Variants in UNC93A observed in about 807,000 individuals in gnomAD.
UNC93A encodes N-acetylglucosamine transporter UNC93A.
UNC93A carries 43 observed loss-of-function variants against 47.5 expected under a neutral mutation model. The ratio of observed to expected loss-of-function variants is 0.91; its 90% CI spans 0.71 to 1.17. The LOEUF (loss-of-function observed/expected upper bound fraction) is 1.17. UNC93A is among the 50% of genes most tolerant of loss of function. UNC93A has a pLI of 0.00. For synonymous variants in UNC93A, 280 were observed against 258.0 expected (o/e 1.09, Z -0.82); for missense variants, 605 against 577.6 (o/e 1.05, Z -0.49).
chr6:167,273,082 C>A (rs1003508957), intron 1 of UNC93A, among the ~76,000 whole-genome samples: 2 of 152,202 alleles, frequency 1.3e-5, no homozygotes, highest in African/African-American at 4.8e-5. Flanking sequence ...CCAGGCAAGC[C>A]GCTAACGTGA....
chr6:167,290,114 T>C (rs944530015), upstream of UNC93A, among the ~76,000 whole-genome samples: 4 of 152,198 alleles, frequency 2.6e-5, no homozygotes, highest in Non-Finnish European at 5.9e-5. Flanking sequence ...GGTGACTCAG[T>C]GACCCACCTG....
rs1392816011 is a variant in UNC93A at position 167,315,527 on chromosome 6, T to C, written c.*75T>C. 1.2e-6 allele frequency: 2 copies of C among 1,609,166 alleles called. No homozygotes were observed. The highest frequency in any genetic ancestry group is 1.3e-5 in the African/African-American group (1 of 74,780). ...TTTTCTTAGAAGATGCCTCAGGACATAGAGCGGCTCCTCATCACCATCTCA... is the reference window on the plus strand; with the variant it reads ...TTTTCTTAGAAGATGCCTCAGGACACAGAGCGGCTCCTCATCACCATCTCA... On this transcript the variant is annotated 3_prime_UTR_variant, in exon 8 of 8. Transcript: ENST00000230256.
intron 4 of UNC93A, among the ~76,000 whole-genome samples, chr6:167,301,894 C>G (rs1305396438): frequency 6.6e-6 from 1 of 152,172 alleles, no homozygotes; most frequent in African/African-American, 2.4e-5. Context: ...GCCTCCTGTG[C>G]AGGCGTGACA....
intron 3 of UNC93A, among the ~76,000 whole-genome samples, chr6:167,297,678 C>A (rs1224413107): frequency 6.6e-6 from 1 of 152,170 alleles, no homozygotes; most frequent in East Asian, 1.9e-4. Flanking sequence ...AAGTAACCAG[C>A]ACTTTTCCAA....
In UNC93A at chr6:167,291,529, G is replaced by A; in HGVS notation, c.40G>A (p.Gly14Arg). ...SLRNVLVVSF[G>R]FLLLFTAYGG... Reference sequence around the variant, plus strand: ...AAGGAACGTCCTTGTGGTTTCCTTTGGGTTCCTGCTTCTCTTTACAGCCTA... The same window carrying A: ...AAGGAACGTCCTTGTGGTTTCCTTTAGGTTCCTGCTTCTCTTTACAGCCTA... The change falls in exon 1 of 8, where the codon GGG becomes AGG. Residue 14 changes from glycine (G) to arginine (R), a missense_variant. Transcript: ENST00000230256. 1.2e-6 allele frequency: 2 copies of A among 1,613,888 alleles called. No homozygotes were observed. Among genetic ancestry groups the A allele is most frequent in the Non-Finnish European group, 1.7e-6 (2 of 1,179,916 alleles).
intron 4 of UNC93A, 67 bp downstream of exon 4, chr6:167,298,137 A>T: frequency 1.9e-6 from 3 of 1,556,518 alleles, no homozygotes; most frequent in Non-Finnish European, 2.6e-6. Context: ...TCCTGGGCTG[A>T]CAAAGACTGT....
intron 1 of UNC93A, among the ~76,000 whole-genome samples, chr6:167,283,022 G>T (rs1209349): frequency 0.033 from 5,039 of 152,154 alleles, 285 homozygotes; most frequent in African/African-American, 0.11. Context: ...TCTCATAGGT[G>T]GTACCCTTAG....
rs1401181434 is a variant in UNC93A, at chr6:167,272,174, G to A, written c.-52+716G>A. Among the ~76,000 whole-genome samples, 4 of 152,180 alleles carry A rather than the reference G, an allele frequency of 2.6e-5. No individual in the cohort carries two copies. The South Asian group carries it at 8.3e-4, about 31-fold the overall frequency. ...TTATGCCAAAGTGGTGTCTTTGGGGGTGGCTGACTCTGCTGCTCTTTACTT... is the reference window on the plus strand; with the variant it reads ...TTATGCCAAAGTGGTGTCTTTGGGGATGGCTGACTCTGCTGCTCTTTACTT... On this transcript the variant is annotated intron_variant, in intron 1 of 3. Transcript: ENST00000503433.
At chr6:167,296,716 G>A (rs1266641711) in intron 3 of UNC93A, among the ~76,000 whole-genome samples, 1 of 152,224 alleles carries the variant, frequency 6.6e-6, no homozygotes, top group Non-Finnish European at 1.5e-5. Context: ...TGGATGGGCT[G>A]ATGCCCTGGC....
Position 167,296,091 on chromosome 6 carries a change from C to T in UNC93A, c.329C>T (p.Ala110Val). 13 of 1,614,208 alleles carry T rather than the reference C, an allele frequency of 8.1e-6. No homozygotes were observed. The highest frequency in any genetic ancestry group is 1.1e-5 in the Non-Finnish European group (13 of 1,180,040). ...LGLGAAPLWSAQCTYLTITGN... is the reference protein window; with the variant it reads ...LGLGAAPLWSVQCTYLTITGN... ...CTCGGGGCCGCCCCGCTGTGGTCTG[C>T]ACAGTGCACATACCTCACGATCACG... is the stretch of plus-strand genomic sequence containing the variant. Residue 110 changes from alanine to valine, a missense_variant, in exon 3 of 8, where the codon GCA (alanine) becomes GTA (valine). By Grantham distance (64) the Ala-to-Val change is moderately conservative. Transcript: ENST00000230256.
intron 1 of UNC93A, among the ~76,000 whole-genome samples, chr6:167,273,023 G>A (rs1005805394): frequency 1.6e-5 from 1 of 61,774 alleles, no homozygotes; most frequent in Admixed American, 1.3e-4. Context: ...CCATAGAATT[G>A]TATTTTTGGT....
chr6:167,308,970 G>A (rs894210895), intron 7 of UNC93A, among the ~76,000 whole-genome samples: 2 of 152,080 alleles, frequency 1.3e-5, no homozygotes, highest in South Asian at 4.1e-4. Context: ...AGGGCAGTGA[G>A]GACACGGATG....
At chr6:167,285,938 T>TTCTCTCTC (rs138265267) in intron 1 of UNC93A, among the ~76,000 whole-genome samples, 2,131 of 131,692 alleles carry the variant, frequency 0.016, 26 homozygotes, top group Middle Eastern at 0.023. Context: ...TTAGTTTTCT[T>TTCTCTCTC]TCTCTCTCTC....
intron 7 of UNC93A, among the ~76,000 whole-genome samples, chr6:167,309,231 G>A (rs567251409): frequency 3.3e-5 from 5 of 152,172 alleles, no homozygotes; most frequent in Non-Finnish European, 4.4e-5. Context: ...TGCTTTGTGC[G>A]GGCTGGCTGT....
At chr6:167,287,081 T>A (rs1012241747), upstream of UNC93A, among the ~76,000 whole-genome samples, 8 of 150,314 alleles carry the variant, frequency 5.3e-5, no homozygotes, top group Non-Finnish European at 3.0e-5. Context: ...GGCTGTACAA[T>A]CACAGCCCGG....
chr6:167,298,263 T>A, intron 4 of UNC93A, 193 bp downstream of exon 4: 1 of 803,136 alleles, frequency 1.2e-6, no homozygotes, highest in Non-Finnish European at 1.8e-6. Context: ...CCGTGCTGTC[T>A]AACAGAGGAT....
chr6:167,285,979 T>TATATAC (rs1259969636), intron 1 of UNC93A, among the ~76,000 whole-genome samples: 33 of 142,112 alleles, frequency 2.3e-4, no homozygotes, highest in Admixed American at 3.6e-4. Context: ...TATATATATA[T>TATATAC]ACACACACAC....
intron 7 of UNC93A, among the ~76,000 whole-genome samples, chr6:167,314,490 C>T (rs1778638297): frequency 6.6e-6 from 1 of 152,182 alleles, no homozygotes; most frequent in African/African-American, 2.4e-5. Context: ...TTTCCTGGGT[C>T]TCTGTGGCCA....
chr6:167,277,615 CTCTCTCTCTCTGACTT>C (rs1011135466), intron 1 of UNC93A, among the ~76,000 whole-genome samples: 3 of 152,000 alleles, frequency 2.0e-5, no homozygotes, highest in Admixed American at 6.5e-5. Context: ...CTATCTCTGT[CTCTCTCTCTCTGACTT>C]TCTCTCTCTC....
Sources: gnomAD v4.1 joint callset for allele counts (sites outside exome capture counted in the v4.1 genomes callset) on GRCh38, gnomAD v4.1.1 for gene constraint, MANE v1.5 for transcripts, NCBI Gene and HGNC (gene_info 2026-07-23, HGNC 2026-07-21) for gene names.